Variants in PRTFDC1 observed in about 807,000 individuals in gnomAD.
PRTFDC1 encodes the protein phosphoribosyltransferase domain-containing protein 1.
A neutral mutation model predicts 34.6 loss-of-function variants in PRTFDC1; 38 were observed. That is an observed-to-expected ratio of 1.10 (90% CI 0.85 to 1.44). PRTFDC1 has a LOEUF of 1.44. Among genes scored for constraint, PRTFDC1 ranks in the 40% most tolerant of loss-of-function variants. The probability of loss-of-function intolerance (pLI) is 0.00; values close to 1 mark genes in which losing one functional copy is unlikely to be tolerated. For missense variants in PRTFDC1, 270 were observed against 283.0 expected, an observed-to-expected ratio of 0.95 and a Z score of 0.33; for synonymous variants, 93 against 98.1, an observed-to-expected ratio of 0.95 and a Z score of 0.31.
At chr10:24,897,436 C>T (rs1848385786) in intron 3 of PRTFDC1, among the ~76,000 whole-genome samples, 1 of 152,142 alleles carries the variant, frequency 6.6e-6, no homozygotes, top group Non-Finnish European at 1.5e-5. Context: ...CCCCTCCTCT[C>T]AGAATTAAGA....
At chr10:24,929,062 AAGAAAGAAAG>A (rs1428069762) in intron 3 of PRTFDC1, among the ~76,000 whole-genome samples, 18 of 133,320 alleles carry the variant, frequency 1.4e-4, no homozygotes, top group African/African-American at 4.2e-4. Flanking sequence ...AAAAGAAAGA[AAGAAAGAAAG>A]AAAGGGAGGC....
intron 3 of PRTFDC1, among the ~76,000 whole-genome samples, chr10:24,885,925 C>T (rs564000785): frequency 2.0e-5 from 3 of 152,240 alleles, no homozygotes; most frequent in South Asian, 2.1e-4. Context: ...AACTAAATGA[C>T]GTTCTAGAAA....
chr10:24,902,808 C>G (rs1848469408), intron 3 of PRTFDC1, among the ~76,000 whole-genome samples: 1 of 152,144 alleles, frequency 6.6e-6, no homozygotes, highest in African/African-American at 2.4e-5. Context: ...GATATTTATT[C>G]ATTTATTCTT....
chr10:24,909,661 A>C (rs1421359133), intron 3 of PRTFDC1, among the ~76,000 whole-genome samples: 5 of 152,194 alleles, frequency 3.3e-5, no homozygotes, highest in Admixed American at 6.5e-5. Context: ...TATACCTGGC[A>C]ATAAGTTTAG....
chr10:24,876,703 A>T (rs1847970749), intron 3 of PRTFDC1, among the ~76,000 whole-genome samples: 1 of 150,362 alleles, frequency 6.7e-6, no homozygotes, highest in Admixed American at 6.7e-5. Context: ...CAAAAAAAAA[A>T]TTTATTATTA....
At chr10:24,907,552 C>T (rs572133686) in intron 3 of PRTFDC1, among the ~76,000 whole-genome samples, 6 of 152,276 alleles carry the variant, frequency 3.9e-5, no homozygotes, top group East Asian at 1.9e-4. Flanking sequence ...GCTGAGATCA[C>T]GCCACTGCAT....
intron 2 of PRTFDC1, among the ~76,000 whole-genome samples, chr10:24,939,119 G>A (rs1044189509): frequency 6.6e-6 from 1 of 151,954 alleles, no homozygotes; most frequent in South Asian, 2.1e-4. Context: ...TGGCCAACAC[G>A]GTGAAACCCA....
In PRTFDC1 at chr10:24,936,986, A is replaced by C. The variant is rs35027656; in HGVS notation, c.339+198T>G. On this transcript the variant is annotated intron_variant, in intron 3 of 8. Coordinates refer to ENST00000320152, the MANE Select transcript of PRTFDC1 (RefSeq NM_020200.7). ...TTCCCATATATGTGAAAATAGAGAG[A>C]AGGTCCCCACCCCACGCCCTAAATA... Among the ~76,000 whole-genome samples, 1,442 of 152,262 alleles carry C rather than the reference A, an allele frequency of 9.5e-3. 8 individuals are homozygous for C. Among genetic ancestry groups the C allele is most frequent in the Non-Finnish European group, 0.014 (979 of 68,014 alleles).
At chr10:24,886,956 C>CTTT (rs57910963) in intron 3 of PRTFDC1, among the ~76,000 whole-genome samples, 917 of 86,308 alleles carry the variant, frequency 0.011, 38 homozygotes, top group Middle Eastern at 0.017. Context: ...AATACTCCTT[C>CTTT]TTTTTTTTTT....
At chr10:24,919,010 T>A (rs1049242430) in intron 3 of PRTFDC1, among the ~76,000 whole-genome samples, 2 of 152,162 alleles carry the variant, frequency 1.3e-5, no homozygotes, top group African/African-American at 2.4e-5. Context: ...TTTCCTTACA[T>A]GTAAAATGGG....
At chr10:24,919,771 TAAAC>T (rs946118933) in intron 3 of PRTFDC1, among the ~76,000 whole-genome samples, 4 of 151,746 alleles carry the variant, frequency 2.6e-5, no homozygotes, top group African/African-American at 9.7e-5. Context: ...ACAAGGGACT[TAAAC>T]AAATTTACAT....
intron 1 of PRTFDC1, among the ~76,000 whole-genome samples, chr10:24,949,303 C>T (rs902134536): frequency 6.6e-6 from 1 of 152,044 alleles, no homozygotes; most frequent in Admixed American, 6.6e-5. Flanking sequence ...AGGCTGGTCT[C>T]GAACTCCTGG....
chr10:24,908,373 A>G, intron 3 of PRTFDC1: 2 of 1,232,274 alleles, frequency 1.6e-6, no homozygotes, highest in Non-Finnish European at 2.2e-6. Flanking sequence ...ACCTCAAGCA[A>G]GAAGAAATAC....
chr10:24,945,514 C>T (rs1460677711), intron 1 of PRTFDC1, among the ~76,000 whole-genome samples: 1 of 152,126 alleles, frequency 6.6e-6, no homozygotes, highest in East Asian at 1.9e-4. Context: ...GAGTGGAGTA[C>T]CACAATCATA....
chr10:24,857,901 C>T (rs543635589), intron 5 of PRTFDC1, among the ~76,000 whole-genome samples: 3 of 151,688 alleles, frequency 2.0e-5, no homozygotes, highest in Admixed American at 6.6e-5. Flanking sequence ...TTAAAAAAAA[C>T]GAAAAACGAA....
intron 3 of PRTFDC1, among the ~76,000 whole-genome samples, chr10:24,903,789 C>T (rs973872107): frequency 6.6e-6 from 1 of 151,106 alleles, no homozygotes; most frequent in East Asian, 1.9e-4. Context: ...ATCTTCTCTT[C>T]AGCCTCCCAA....
intron 3 of PRTFDC1, among the ~76,000 whole-genome samples, chr10:24,928,682 A>G (rs889213704): frequency 6.6e-6 from 1 of 151,910 alleles, no homozygotes; most frequent in African/African-American, 2.4e-5. Flanking sequence ...GACCTCAGGT[A>G]ATTGGCCCAT....
chr10:24,923,296 G>A (rs150695921), intron 3 of PRTFDC1, among the ~76,000 whole-genome samples: 1 of 152,168 alleles, frequency 6.6e-6, no homozygotes, highest in Non-Finnish European at 1.5e-5. Flanking sequence ...AGAGAGCAGT[G>A]GTTCTCCCAG....
Position 24,949,873 on chromosome 10 carries a change from T to C in PRTFDC1, c.48+2655A>G, listed in dbSNP as rs557071415. Among the ~76,000 whole-genome samples, 4 of 152,206 alleles carry C rather than the reference T, an allele frequency of 2.6e-5. No homozygotes were observed. In the East Asian group the frequency reaches 7.7e-4, roughly 29 times the overall value. On this transcript the variant is annotated intron_variant, in intron 1 of 8. Coordinates refer to ENST00000320152, the MANE Select transcript of PRTFDC1 (RefSeq NM_020200.7). ...CTTCTGCCTCCCAAGTAGCTGTGAT[T>C]ACAGGCATGCACTACCATGCCAAGC...
Sources: gnomAD v4.1 joint callset for allele counts (sites outside exome capture counted in the v4.1 genomes callset) on GRCh38, gnomAD v4.1.1 for gene constraint, MANE v1.5 for transcripts, NCBI Gene and HGNC (gene_info 2026-07-23, HGNC 2026-07-21) for gene names.